The following RANBP9 variants were observed in gnomAD, a reference collection of about 807,000 sequenced individuals.
RANBP9 encodes RAN binding protein 9.
RANBP9 carries 15 observed loss-of-function variants against 84.3 expected under a neutral mutation model. The ratio of observed to expected loss-of-function variants is 0.18; its 90% confidence interval spans 0.12 to 0.27. RANBP9 has a LOEUF of 0.27. Ranked by LOEUF, RANBP9 falls within the 10% of genes least tolerant of loss-of-function variation. The pLI, the probability that RANBP9 is intolerant of heterozygous loss-of-function variation, is 1.00. For synonymous variants in RANBP9, 392 were observed against 349.6 expected, an observed-to-expected ratio of 1.12 and a Z score of -1.35; for missense variants, 809 against 912.8, an observed-to-expected ratio of 0.89 and a Z score of 1.46.
intron 2 of RANBP9, among the ~76,000 whole-genome samples, chr6:13,671,201 C>T (rs943154133): frequency 5.9e-5 from 9 of 152,090 alleles, no homozygotes; most frequent in Non-Finnish European, 1.0e-4. Context: ...ACTATCATAG[C>T]TGGTAGTAAG....
In RANBP9 at chr6:13,646,991, T is replaced by G. The variant is rs576592404; in HGVS notation, c.928-2262A>C. ...TTAAAAGTTCAAGATTTAAAAACTT[T>G]TGCACATCAGATTAAGACTTGAAAG... is the stretch of plus-strand genomic sequence containing the variant. On this transcript the variant is annotated intron_variant, in intron 5 of 13. Coordinates refer to ENST00000011619, the MANE Select transcript of RANBP9 (RefSeq NM_005493.3). 7.9e-5 allele frequency among the ~76,000 whole-genome samples: 12 copies of G among 152,310 alleles called. No individual in the cohort carries two copies. The South Asian group carries it at 2.5e-3, about 32-fold the overall frequency.
chr6:13,696,930 A>C, intron 1 of RANBP9, 34 bp from the exon 2 acceptor site: 1 of 1,517,916 alleles, frequency 6.6e-7, no homozygotes, highest in South Asian at 1.2e-5. Flanking sequence ...AAGAAGTCAC[A>C]TGAGATATTC....
At chr6:13,647,621 T>C (rs1765200898) in intron 5 of RANBP9, among the ~76,000 whole-genome samples, 1 of 152,158 alleles carries the variant, frequency 6.6e-6, no homozygotes, top group Non-Finnish European at 1.5e-5. Context: ...TCTAAAAGGA[T>C]ATATATTCAA....
intron 2 of RANBP9, among the ~76,000 whole-genome samples, chr6:13,686,338 T>C: frequency 6.6e-6 from 1 of 151,958 alleles, no homozygotes; most frequent in Non-Finnish European, 1.5e-5. Context: ...CAAGCTGGAG[T>C]GCAGCGGCGC....
At chr6:13,634,678 A>G in intron 10 of RANBP9, 126 bp from the exon 11 acceptor site, 1 of 942,996 alleles carries the variant, frequency 1.1e-6, no homozygotes, top group Non-Finnish European at 1.5e-6. Flanking sequence ...AATCTGCAAA[A>G]AAGGTATTTA....
rs6459033 is a variant in RANBP9 at position 13,695,287 on chromosome 6, A to G, written c.683+1498T>C. ...CCCATCAACCAACTATCTGAGAGTAATTCAGCAGATAAATAATTGAGATCT... is the reference window on the plus strand; with the variant it reads ...CCCATCAACCAACTATCTGAGAGTAGTTCAGCAGATAAATAATTGAGATCT... On this transcript the variant is annotated intron_variant, in intron 2 of 13. Coordinates refer to ENST00000011619, the MANE Select transcript of RANBP9 (RefSeq NM_005493.3). Among the ~76,000 whole-genome samples, 506 of 152,284 alleles carry G rather than the reference A, an allele frequency of 3.3e-3. 2 individuals are homozygous for G. The highest frequency in any genetic ancestry group is 0.012 in the African/African-American group (492 of 41,570).
At chr6:13,706,684 G>C (rs1327939832) in intron 1 of RANBP9, among the ~76,000 whole-genome samples, 8 of 144,604 alleles carry the variant, frequency 5.5e-5, no homozygotes, top group African/African-American at 2.1e-4. Context: ...AGCAGAGCGA[G>C]ACTCCATCTT....
chr6:13,703,502 G>A (rs1344411859), intron 1 of RANBP9, among the ~76,000 whole-genome samples: 1 of 152,094 alleles, frequency 6.6e-6, no homozygotes, highest in Non-Finnish European at 1.5e-5. Context: ...GTACCAGCAG[G>A]GTATTTTGTA....
intron 2 of RANBP9, among the ~76,000 whole-genome samples, chr6:13,660,729 C>T (rs1440751937): frequency 2.0e-5 from 3 of 152,066 alleles, no homozygotes; most frequent in East Asian, 1.9e-4. Flanking sequence ...CTCAGATTCA[C>T]AAGAGCAATA....
At chr6:13,662,587 G>A (rs750130537) in intron 2 of RANBP9, among the ~76,000 whole-genome samples, 50 of 152,136 alleles carry the variant, frequency 3.3e-4, no homozygotes, top group Admixed American at 9.2e-4. Context: ...TAAAAGAGGC[G>A]TGAGAAGGCT....
rs769144499 is a variant in RANBP9, at chr6:13,634,593, C to CT, written c.1674-42dup. 5.8e-6 allele frequency: 9 copies of CT among 1,556,228 alleles called. No individual in the cohort carries two copies. The East Asian group carries it at 2.0e-4, about 35-fold the overall frequency. On this transcript the variant is annotated intron_variant, in intron 10 of 13. Coordinates refer to ENST00000011619, the MANE Select transcript of RANBP9 (RefSeq NM_005493.3). ...CAAACCTAATTTTAGAAATATCATA[C>CT]TTGCAGCTTAGTTTAAAATAAATCA...
intron 12 of RANBP9, among the ~76,000 whole-genome samples, chr6:13,629,388 G>T (rs761572578): frequency 1.6e-4 from 24 of 152,316 alleles, no homozygotes; most frequent in Non-Finnish European, 3.2e-4. Flanking sequence ...AGCTAGTTAA[G>T]ATACATGCAC....
chr6:13,708,627 G>A (rs1758190773), intron 1 of RANBP9, among the ~76,000 whole-genome samples: 1 of 152,148 alleles, frequency 6.6e-6, no homozygotes, highest in Non-Finnish European at 1.5e-5. Context: ...TGATACTTAG[G>A]TAAAACCAAT....
chr6:13,678,202 G>A (rs1373909937), intron 2 of RANBP9, among the ~76,000 whole-genome samples: 2 of 152,084 alleles, frequency 1.3e-5, no homozygotes, highest in Non-Finnish European at 1.5e-5. Context: ...TCAGTGTTTA[G>A]AAAAGGCAAT....
chr6:13,639,586 T>C lies in RANBP9; in HGVS notation c.1502A>G (p.Lys501Arg), dbSNP rs1240197150. ...GMNIHNLASG[K>R]GSTAHFSGFE... is the part of the protein sequence containing the mutation. Reference sequence around the variant, plus strand: ...ACCTGAAAAATGTGCGGTGCTTCCTTTGCCTGATGCTAAATTGTGGATATT... The same window carrying C: ...ACCTGAAAAATGTGCGGTGCTTCCTCTGCCTGATGCTAAATTGTGGATATT... Residue 501 changes from lysine (K) to arginine (R), a missense_variant, in exon 9 of 14, where the codon AAA (lysine) becomes AGA (arginine). By Grantham distance (26) the Lys-to-Arg change is conservative (BLOSUM62 2). This residue lies in a region of RANBP9 where 216 missense variants were observed against 329.0 expected (regional missense o/e 0.66). Transcript: ENST00000011619. 3.1e-6 allele frequency: 5 copies of C among 1,611,086 alleles called. No homozygotes were observed. The highest frequency in any genetic ancestry group is 3.4e-6 in the Non-Finnish European group (4 of 1,177,336).
At chr6:13,644,435 T>C (rs1765134287) in intron 6 of RANBP9, 110 bp downstream of exon 6, 6 of 1,008,832 alleles carry the variant, frequency 5.9e-6, no homozygotes, top group South Asian at 5.2e-5. Flanking sequence ...ATAATAGATA[T>C]GTCAGTATAT....
At chr6:13,637,374 A>G (rs1313379435) in intron 10 of RANBP9, among the ~76,000 whole-genome samples, 1 of 126,456 alleles carries the variant, frequency 7.9e-6, no homozygotes, top group African/African-American at 3.1e-5. Flanking sequence ...CATTCTACAC[A>G]TTTACACCAA....
intron 13 of RANBP9, among the ~76,000 whole-genome samples, chr6:13,623,438 C>T (rs1015831967): frequency 2.6e-5 from 4 of 152,028 alleles, no homozygotes; most frequent in Non-Finnish European, 5.9e-5. Context: ...AGGGAAAAAG[C>T]ACAATATCAG....
intron 2 of RANBP9, among the ~76,000 whole-genome samples, chr6:13,686,118 C>CCT (rs1554226493): frequency 5.4e-5 from 2 of 37,006 alleles, no homozygotes; most frequent in Non-Finnish European, 5.0e-5. Context: ...CCCCCCCCGC[C>CCT]CCCCGAAATA....
Sources: gnomAD v4.1 joint callset for allele counts (sites outside exome capture counted in the v4.1 genomes callset) on GRCh38, gnomAD v4.1.1 for gene constraint, gnomAD v4.1.1 regional missense constraint, MANE v1.5 for transcripts, NCBI Gene and HGNC (gene_info 2026-07-23, HGNC 2026-07-21) for gene names.